Variants in RBBP8 observed in about 807,000 individuals in gnomAD.
RBBP8 encodes DNA endonuclease RBBP8.
In RBBP8, 88 loss-of-function variants were observed where a neutral mutation model predicts 108.3. The ratio of observed to expected loss-of-function variants is 0.81; its 90% CI spans 0.68 to 0.97. RBBP8 has a LOEUF of 0.97. RBBP8 is among the 50% of genes least tolerant of loss of function. RBBP8 has a pLI of 0.00. For synonymous variants in RBBP8, 332 were observed against 348.2 expected (o/e 0.95, Z 0.52); for missense variants, 1,023 against 1,049.0 (o/e 0.98, Z 0.34).
chr18:22,986,052 T>G lies in RBBP8; in HGVS notation c.709+1062T>G, dbSNP rs149332518. Among the ~76,000 whole-genome samples the G allele has an allele frequency of 7.9e-5, 12 of 151,772 alleles. No homozygotes were observed. The East Asian group carries it at 1.7e-3, about 22-fold the overall frequency. On this transcript the variant is annotated intron_variant, in intron 8 of 18. Coordinates refer to ENST00000327155, the MANE Select transcript of RBBP8 (RefSeq NM_002894.3). Reference sequence around the variant, plus strand: ...ACTGCAGATCTACTGTATATCTGTTTAGGTGATACGTGTATGCATGTATGT... The same window carrying G: ...ACTGCAGATCTACTGTATATCTGTTGAGGTGATACGTGTATGCATGTATGT...
At chr18:22,990,831 A>G (rs1915631808) in intron 9 of RBBP8, 106 bp from the exon 10 acceptor site, 3 of 780,270 alleles carry the variant, frequency 3.8e-6, no homozygotes, top group Admixed American at 2.1e-5. Flanking sequence ...GCTTCTTAGT[A>G]TATTTTTGAG....
rs141390139 is a variant in RBBP8, at chr18:23,018,183, G to A, written c.2454+1259G>A. On this transcript the variant is annotated intron_variant, in intron 17 of 18. Coordinates refer to ENST00000327155, the MANE Select transcript of RBBP8 (RefSeq NM_002894.3). Reference sequence around the variant, plus strand: ...TCTCCTGCCTCTCCCTCTGCCTCCCGAGTAGCTGGGATTACAGGCATGCGC... The same window carrying A: ...TCTCCTGCCTCTCCCTCTGCCTCCCAAGTAGCTGGGATTACAGGCATGCGC... Among the ~76,000 whole-genome samples, 984 of 151,886 alleles carry A rather than the reference G, an allele frequency of 6.5e-3. 8 individuals carry two copies. Among genetic ancestry groups the A allele is most frequent in the African/African-American group, 0.02 (848 of 41,408 alleles).
chr18:22,944,573 TCTAATGTTTGG>T (rs1359180791), intron 2 of RBBP8, among the ~76,000 whole-genome samples: 5 of 152,250 alleles, frequency 3.3e-5, no homozygotes, highest in Middle Eastern at 3.2e-3. Context: ...TTGGGTTGTT[TCTAATGTTTGG>T]CTAAGACTGC....
intron 14 of RBBP8, among the ~76,000 whole-genome samples, chr18:22,998,975 G>C (rs184894037): frequency 5.3e-5 from 8 of 152,180 alleles, no homozygotes; most frequent in Middle Eastern, 3.4e-3. Context: ...AGATTATTTT[G>C]TTCCTGATAC....
intron 4 of RBBP8, among the ~76,000 whole-genome samples, chr18:22,950,676 G>A (rs1911958538): frequency 6.6e-6 from 1 of 151,980 alleles, no homozygotes; most frequent in Non-Finnish European, 1.5e-5. Context: ...TCAGTTCTTT[G>A]GGAAGCCAAG....
intron 14 of RBBP8, among the ~76,000 whole-genome samples, chr18:22,999,161 TAAA>T (rs1182108723): frequency 1.3e-5 from 2 of 152,244 alleles, no homozygotes; most frequent in Non-Finnish European, 2.9e-5. Context: ...TTTTGGCTAA[TAAA>T]GTGCTATGGA....
intron 3 of RBBP8, 97 bp from the exon 4 acceptor site, chr18:22,949,521 G>T: frequency 1.1e-6 from 1 of 898,534 alleles, no homozygotes; most frequent in Non-Finnish European, 1.8e-6. Flanking sequence ...TTTTGTTTTG[G>T]TACAAGAAAT....
intron 8 of RBBP8, among the ~76,000 whole-genome samples, chr18:22,986,166 G>A (rs887589234): frequency 5.3e-5 from 8 of 151,994 alleles, no homozygotes; most frequent in Non-Finnish European, 1.0e-4. Flanking sequence ...TAGCTGTTGA[G>A]GTTGCGAAAA....
intron 6 of RBBP8, among the ~76,000 whole-genome samples, chr18:22,980,828 C>A (rs923973235): frequency 6.0e-5 from 9 of 151,238 alleles, no homozygotes; most frequent in African/African-American, 2.2e-4. Flanking sequence ...AACCCTCCCA[C>A]CTCACCCTCC....
At chr18:23,012,590 G>A (rs538579105) in intron 16 of RBBP8, among the ~76,000 whole-genome samples, 4 of 152,330 alleles carry the variant, frequency 2.6e-5, no homozygotes, top group African/African-American at 9.6e-5. Flanking sequence ...TGAGGAAGCT[G>A]CAGAAGAAAA....
Position 22,984,981 on chromosome 18 carries a change from C to G in RBBP8, c.700C>G (p.Pro234Ala). 1 of 1,611,468 alleles carries G rather than the reference C, an allele frequency of 6.2e-7. No homozygotes were observed. Among genetic ancestry groups the G allele is most frequent in the Non-Finnish European group, 8.5e-7 (1 of 1,178,178 alleles). The change falls in exon 8 of 19, where the codon CCA (proline) becomes GCA (alanine). Residue 234 changes from proline (P) to alanine (A), a missense_variant. Transcript: ENST00000327155. ...TGACACTTATGACCAAAGTCAATCTCCAATGGCCAGTAAGCAAGATACTGA... is the reference window on the plus strand; with the variant it reads ...TGACACTTATGACCAAAGTCAATCTGCAATGGCCAGTAAGCAAGATACTGA... ...VADTYDQSQS[P>A]MAKAHGTSSY...
At chr18:23,017,700 T>C (rs1291505271) in intron 17 of RBBP8, among the ~76,000 whole-genome samples, 1 of 150,566 alleles carries the variant, frequency 6.6e-6, no homozygotes, top group African/African-American at 2.4e-5. Context: ...AAATTAGGTA[T>C]ACTCATAATT....
chr18:22,993,478 G>A lies in RBBP8; in HGVS notation c.1651G>A (p.Gly551Arg). 1.2e-6 allele frequency: 2 copies of A among 1,614,192 alleles called. No individual in the cohort carries two copies. Among genetic ancestry groups the A allele is most frequent in the Non-Finnish European group, 1.7e-6 (2 of 1,180,028 alleles). Residue 551 changes from glycine to arginine, a missense_variant, in exon 11 of 19, where the codon GGG becomes AGG. Transcript: ENST00000327155. ...GNCTLPKDSP[G>R]EPCSQECIIL... ...CTGCACGTTGCCCAAAGATTCCCCA[G>A]GGGAGCCCTGTTCACAGGAATGCAT...
intron 5 of RBBP8, among the ~76,000 whole-genome samples, chr18:22,970,478 A>T (rs1469256843): frequency 6.6e-6 from 1 of 152,198 alleles, no homozygotes; most frequent in East Asian, 1.9e-4. Flanking sequence ...TCAATTTTTT[A>T]GCTATTGTCA....
Position 22,993,718 on chromosome 18 carries a change from T to C in RBBP8, c.1813-3T>C, listed in dbSNP as rs777909659. On this transcript the variant is annotated splice_region_variant and splice_polypyrimidine_tract_variant and intron_variant, in intron 11 of 18. Coordinates refer to ENST00000327155, the MANE Select transcript of RBBP8 (RefSeq NM_002894.3). The stretch of plus-strand genomic sequence containing the variant: ...TTAGAGCTAACAATTATTTCTGTTT[T>C]AGAGTGCTGGTTCTCATGAGCCAAT... The C allele has an allele frequency of 8.7e-6, 14 of 1,614,068 alleles. No homozygotes were observed. Among genetic ancestry groups the C allele is most frequent in the Non-Finnish European group, 1.2e-5 (14 of 1,180,028 alleles).
Position 22,996,361 on chromosome 18 carries a change from C to G in RBBP8, c.1940-13C>G. ...TCAGTTTTTTAATTGCATGCTCTTT[C>G]CCTTTACCTAAGATGTATCCTTTGA... On this transcript the variant is annotated splice_polypyrimidine_tract_variant and intron_variant, in intron 12 of 18. Coordinates refer to ENST00000327155, the MANE Select transcript of RBBP8 (RefSeq NM_002894.3). The G allele has an allele frequency of 6.2e-7, 1 of 1,613,070 alleles. No individual in the cohort carries two copies. Among genetic ancestry groups the G allele is most frequent in the South Asian group, 1.1e-5 (1 of 91,040 alleles).
In RBBP8 at chr18:22,982,155, C is replaced by A; in HGVS notation, c.429-63C>A. The A allele has an allele frequency of 4.7e-6, 7 of 1,495,578 alleles. No homozygotes were observed. In the South Asian group the frequency reaches 8.1e-5, roughly 17 times the overall value. 92.6% of individuals were successfully genotyped at this position (1,495,578 alleles called of 1,614,324 possible). A position where few individuals can be genotyped will look rare whatever the true frequency, so the allele number is the denominator to read the frequency against. ...GTTTGTGTTCTACTGTAACTCCATG[C>A]CATGTAGTAAATGTTTTAATACTCA... On this transcript the variant is annotated intron_variant, in intron 6 of 18. Transcript: ENST00000327155.
At chr18:22,924,708 C>T (rs1342847705) in intron 3 of RBBP8, among the ~76,000 whole-genome samples, 1 of 152,104 alleles carries the variant, frequency 6.6e-6, no homozygotes, top group Non-Finnish European at 1.5e-5. Flanking sequence ...CAGGCATGAG[C>T]CACTGCATCA....
At chr18:22,959,722 A>ATGTGTGTGTGTGTTTGTG (rs1417074504) in intron 4 of RBBP8, among the ~76,000 whole-genome samples, 1 of 151,004 alleles carries the variant, frequency 6.6e-6, no homozygotes, top group South Asian at 2.1e-4. Context: ...GTATATTTAT[A>ATGTGTGTGTGTGTTTGTG]TGTGTGTGTG....
Sources: gnomAD v4.1 joint callset for allele counts (sites outside exome capture counted in the v4.1 genomes callset) on GRCh38, gnomAD v4.1.1 for gene constraint, MANE v1.5 for transcripts, NCBI Gene and HGNC (gene_info 2026-07-23, HGNC 2026-07-21) for gene names.